MSR1: variants seen among roughly 807,000 people sequenced by gnomAD.
The protein encoded by MSR1 is macrophage scavenger receptor types I and II.
Under a neutral mutation model 47.2 loss-of-function variants are expected in MSR1, and 53 were observed. That is an observed-to-expected ratio of 1.12 (90% CI 0.90 to 1.41). MSR1 has a LOEUF of 1.41. MSR1 is among the 40% of genes most tolerant of loss of function. MSR1 has a pLI of 0.00. For synonymous variants in MSR1, 239 were observed against 185.6 expected, an observed-to-expected ratio of 1.29 and a Z score of -2.34; for missense variants, 786 against 546.9, an observed-to-expected ratio of 1.44 and a Z score of -4.36.
At position 16,149,324 on chromosome 8, in the gene MSR1, T is replaced by C. The variant is rs184941611; in HGVS notation, c.979+907A>G. Among the ~76,000 whole-genome samples, 25 of 152,236 alleles carry C rather than the reference T, an allele frequency of 1.6e-4. No homozygotes were observed. The East Asian group carries it at 4.4e-3, about 27-fold the overall frequency. ...GCTTTCTGTGCAGTTTTTCTATAAATGTAAAACTGTTCTAAAAATAAAATG... is the reference window on the plus strand; with the variant it reads ...GCTTTCTGTGCAGTTTTTCTATAAACGTAAAACTGTTCTAAAAATAAAATG... On this transcript the variant is annotated intron_variant, in intron 7 of 9. Coordinates refer to ENST00000262101, the MANE Select transcript of MSR1 (RefSeq NM_138715.3).
At chr8:16,189,417 T>C (rs1405335817) in intron 1 of MSR1, among the ~76,000 whole-genome samples, 1 of 90,448 alleles carries the variant, frequency 1.1e-5, no homozygotes, top group Non-Finnish European at 1.9e-5. Flanking sequence ...ATATATATTT[T>C]ATATATATAA....
At chr8:16,117,907 G>A (rs1563138226) in intron 9 of MSR1, among the ~76,000 whole-genome samples, 1 of 152,074 alleles carries the variant, frequency 6.6e-6, no homozygotes, top group Non-Finnish European at 1.5e-5. Flanking sequence ...TAGAAATAAT[G>A]TGCACAATAA....
At chr8:16,145,864 G>A (rs999519411) in intron 7 of MSR1, among the ~76,000 whole-genome samples, 2 of 152,034 alleles carry the variant, frequency 1.3e-5, no homozygotes, top group Non-Finnish European at 2.9e-5. Context: ...GATACCTTTG[G>A]TTAAAAATGA....
chr8:16,137,148 G>T (rs577675716), intron 8 of MSR1, among the ~76,000 whole-genome samples: 2 of 152,200 alleles, frequency 1.3e-5, no homozygotes, highest in Admixed American at 6.5e-5. Flanking sequence ...ATATTAACAG[G>T]TAGCTCTTCC....
chr8:16,110,232 GTA>G lies in MSR1; in HGVS notation c.1223-16_1223-15del. 6.2e-7 allele frequency: 1 copy of G among 1,612,802 alleles called. No homozygotes were observed. Among genetic ancestry groups the G allele is most frequent in the South Asian group, 1.1e-5 (1 of 91,054 alleles). On this transcript the variant is annotated splice_polypyrimidine_tract_variant and intron_variant, in intron 9 of 9. Coordinates refer to ENST00000262101, the MANE Select transcript of MSR1 (RefSeq NM_138715.3). ...TTGGACCAGTACCTGCAATAATGAGGTATAACTGCATTAGTAAGTTTAGAGTT... is the reference window on the plus strand; with the variant it reads ...TTGGACCAGTACCTGCAATAATGAGGTAACTGCATTAGTAAGTTTAGAGTT...
rs772375437 is a variant in MSR1, at chr8:16,150,248, C to G, written c.962G>C (p.Gly321Ala). The change falls in exon 7 of 10, where the codon GGA becomes GCA. Residue 321 changes from glycine to alanine, a missense_variant. Coordinates refer to ENST00000262101, the MANE Select transcript of MSR1 (RefSeq NM_138715.3). The stretch of plus-strand genomic sequence containing the variant: ...TGTAATACCTGGCCTTCCGGCATAT[C>G]CTGGGAGTCCTCGACTTCCAGGAAA... ...IGFPGSRGLP[G>A]YAGRPGNSGP... 1.3e-6 allele frequency: 2 copies of G among 1,554,274 alleles called. No homozygotes were observed. Among genetic ancestry groups the G allele is most frequent in the Non-Finnish European group, 8.7e-7 (1 of 1,146,456 alleles).
At chr8:16,140,722 G>A (rs1585153942) in intron 8 of MSR1, 1 of 1,386,110 alleles carries the variant, frequency 7.2e-7, no homozygotes, top group East Asian at 2.7e-5. Context: ...CAGCCCTCCA[G>A]TCCGTGCATG....
chr8:16,178,980 G>A (rs1801743361), intron 1 of MSR1, among the ~76,000 whole-genome samples: 1 of 152,108 alleles, frequency 6.6e-6, no homozygotes, highest in South Asian at 2.1e-4. Flanking sequence ...CTCATATACA[G>A]CAATGTATTA....
chr8:16,141,122 T>A, intron 8 of MSR1: 12 of 1,512,826 alleles, frequency 7.9e-6, no homozygotes, highest in Non-Finnish European at 1.1e-5. Context: ...TAAAGATGCA[T>A]ATGAAAACAT....
At chr8:16,130,934 A>G (rs1411668201) in intron 8 of MSR1, among the ~76,000 whole-genome samples, 7 of 152,072 alleles carry the variant, frequency 4.6e-5, no homozygotes, top group Non-Finnish European at 1.0e-4. Context: ...TAGTGCTGTG[A>G]TGAACATATG....
At chr8:16,154,164 A>G (rs1800937373) in intron 6 of MSR1, among the ~76,000 whole-genome samples, 1 of 151,920 alleles carries the variant, frequency 6.6e-6, no homozygotes, top group Admixed American at 6.6e-5. Context: ...TAGTCAATAC[A>G]CTGATCAGAA....
Position 16,127,222 on chromosome 8 carries a change from C to T in MSR1, c.1034-6616G>A, listed in dbSNP as rs1800149241. On this transcript the variant is annotated intron_variant, in intron 8 of 9. Coordinates refer to ENST00000262101, the MANE Select transcript of MSR1 (RefSeq NM_138715.3). ...ATATCTGTGTGTCATGTCCAGGCAT[C>T]TTTATATGATAAAAGCCTCACGAGT... Among the ~76,000 whole-genome samples, 3 of 152,258 alleles carry T rather than the reference C, an allele frequency of 2.0e-5. No homozygotes were observed. The South Asian group carries it at 6.2e-4, about 32-fold the overall frequency.
chr8:16,176,034 C>T (rs561176472), intron 2 of MSR1, among the ~76,000 whole-genome samples: 16 of 152,152 alleles, frequency 1.1e-4, no homozygotes, highest in Non-Finnish European at 2.1e-4. Context: ...ATGAGGAAGT[C>T]ATTTCTCTGA....
chr8:16,134,039 A>G (rs971892718), intron 8 of MSR1, among the ~76,000 whole-genome samples: 1 of 152,146 alleles, frequency 6.6e-6, no homozygotes, highest in Non-Finnish European at 1.5e-5. Context: ...TGCAGGGTTC[A>G]TCTTCAATAT....
intron 4 of MSR1, 119 bp from the exon 5 acceptor site, chr8:16,164,370 T>A: frequency 1.3e-6 from 1 of 771,840 alleles, no homozygotes; most frequent in Non-Finnish European, 2.1e-6. Flanking sequence ...TTTTATGGAA[T>A]AAGAATATAG....
chr8:16,188,956 C>G (rs138831322), intron 1 of MSR1, among the ~76,000 whole-genome samples: 2 of 87,760 alleles, frequency 2.3e-5, no homozygotes, highest in Non-Finnish European at 3.9e-5. Flanking sequence ...CCTAATAATT[C>G]AACACACATA....
At chr8:16,143,252 A>G (rs1235490501) in intron 8 of MSR1, among the ~76,000 whole-genome samples, 2 of 152,062 alleles carry the variant, frequency 1.3e-5, no homozygotes, top group Non-Finnish European at 2.9e-5. Flanking sequence ...CATAAGCTTG[A>G]TTTTCCCTTA....
At chr8:16,120,845 A>G in intron 8 of MSR1, 2 of 550,130 alleles carry the variant, frequency 3.6e-6, no homozygotes, top group Non-Finnish European at 6.4e-6. Context: ...TCTTACATGT[A>G]AGTTATATAT....
intron 1 of MSR1, among the ~76,000 whole-genome samples, chr8:16,189,896 A>T (rs1490008530): frequency 6.8e-6 from 1 of 147,138 alleles, no homozygotes; most frequent in Non-Finnish European, 1.5e-5. Context: ...GATATAAATA[A>T]TGATGTTATA....
Sources: gnomAD v4.1 joint callset for allele counts (sites outside exome capture counted in the v4.1 genomes callset) on GRCh38, gnomAD v4.1.1 for gene constraint, MANE v1.5 for transcripts, NCBI Gene and HGNC (gene_info 2026-07-23, HGNC 2026-07-21) for gene names.